Variants in HMCN2 observed in about 807,000 individuals in gnomAD.
The protein encoded by HMCN2 is hemicentin 2.
In HMCN2, 325 loss-of-function variants were observed where a neutral mutation model predicts 377.5. The observed-to-expected ratio is 0.86, with a 90% CI of 0.79 to 0.94. The LOEUF is 0.94. HMCN2 is among the 40% of genes least tolerant of loss of function. The pLI, the probability that HMCN2 is intolerant of heterozygous loss-of-function variation, is 0.00. For missense variants in HMCN2, 4,543 were observed against 4,725.3 expected (o/e 0.96, Z 1.13); for synonymous variants, 2,007 against 2,046.8 (o/e 0.98, Z 0.53).
rs4579578 is a variant in HMCN2 at position 130,365,940 on chromosome 9, G to T, written c.6570G>T (p.Arg2190Ser). 0.45 allele frequency: 442,282 copies of T among 985,484 alleles called. 100,401 individuals are homozygous for T. The highest frequency in any genetic ancestry group is 0.57 in the East Asian group (4,958 of 8,768). 61.0% of individuals were successfully genotyped at this position (985,484 alleles called of 1,614,324 possible). Residue 2190 changes from arginine to serine, a missense_variant, in exon 43 of 98, where the codon AGG becomes AGT. Arg to Ser is a moderately radical substitution (Grantham distance 110). Around this residue, in one of 5 missense-constraint regions of HMCN2, gnomAD observed 1,032 missense variants for 1,285.1 expected, o/e 0.80. Transcript: ENST00000683500. ...CTGTGAGAGAGGGGCACCCTACCAG[G>T]CTGTCCTGCGAATGCCGGGGTGTCC... Reference protein sequence around the residue: ...TLTVREGHPTRLSCECRGVPF... With the variant: ...TLTVREGHPTSLSCECRGVPF...
chr9:130,410,771 A>C, intron 85 of HMCN2, 119 bp downstream of exon 85: 2 of 800,956 alleles, frequency 2.5e-6, no homozygotes. Context: ...ATTAATACTT[A>C]CTTGGAACAC....
Position 130,302,470 on chromosome 9 carries a change from G to A in HMCN2, c.1277-387G>A, listed in dbSNP as rs60314532. 8.6e-3 allele frequency among the ~76,000 whole-genome samples: 1,315 copies of A among 152,320 alleles called. 19 individuals carry two copies. Among genetic ancestry groups the A allele is most frequent in the African/African-American group, 0.03 (1,241 of 41,542 alleles). ...CTGGGGAGCCTAATCCTAGTTGGTAGCATTTCATCAGATTTCATACAGTTG... is the reference window on the plus strand; with the variant it reads ...CTGGGGAGCCTAATCCTAGTTGGTAACATTTCATCAGATTTCATACAGTTG... On this transcript the variant is annotated intron_variant, in intron 8 of 97. Transcript: ENST00000683500.
rs553218273 is a variant in HMCN2, at chr9:130,424,790, G to A, written c.13396G>A (p.Val4466Met). Reference protein sequence around the residue: ...VPANVGPLMRVLVVTIAPIYW... With the variant: ...VPANVGPLMRMLVVTIAPIYW... Reference sequence around the variant, plus strand: ...GCCCCACCCAGGGCCTCTGATGCGGGTGCTCGTGGTCACCATCGCCCCCAT... The same window carrying A: ...GCCCCACCCAGGGCCTCTGATGCGGATGCTCGTGGTCACCATCGCCCCCAT... Residue 4466 changes from valine to methionine, a missense_variant, in exon 88 of 98, where the codon GTG becomes ATG. Around this residue, in one of 5 missense-constraint regions of HMCN2, gnomAD observed 1,155 missense variants for 1,157.7 expected, o/e 1.00. Coordinates refer to ENST00000683500, the MANE Select transcript of HMCN2 (RefSeq NM_001291815.2). The A allele has an allele frequency of 5.2e-6, 8 of 1,539,760 alleles. No individual in the cohort carries two copies. The African/African-American group carries it at 8.2e-5, about 16-fold the overall frequency.
At position 130,292,139 on chromosome 9, in the gene HMCN2, G is replaced by A. The variant is rs181985759; in HGVS notation, c.613-2716G>A. On this transcript the variant is annotated intron_variant, in intron 4 of 97. Transcript: ENST00000683500. ...CTAGTTGGTGCTGAGTGTGTCTTCTGTTGTATCACACCGGGAGGCAAATAG... is the reference window on the plus strand; with the variant it reads ...CTAGTTGGTGCTGAGTGTGTCTTCTATTGTATCACACCGGGAGGCAAATAG... Among the ~76,000 whole-genome samples the A allele has an allele frequency of 6.4e-4, 97 of 151,818 alleles. 2 individuals are homozygous for A. Among genetic ancestry groups the A allele is most frequent in the Admixed American group, 6.4e-3 (97 of 15,224 alleles).
intron 95 of HMCN2, 181 bp downstream of exon 95, chr9:130,430,785 A>G (rs773937179): frequency 6.5e-5 from 40 of 615,452 alleles, no homozygotes; most frequent in Non-Finnish European, 9.3e-5. Flanking sequence ...TGGCTGTGCT[A>G]TTGGGCAGGG....
chr9:130,384,619 G>A (rs558069188), intron 58 of HMCN2, 66 bp from the exon 59 acceptor site: 20 of 1,300,444 alleles, frequency 1.5e-5, no homozygotes, highest in Middle Eastern at 2.1e-4. Context: ...GCCGTCAGTC[G>A]TGCAGGGATT....
chr9:130,407,746 C>T (rs771495490), intron 83 of HMCN2, 41 bp downstream of exon 83: 1 of 1,173,920 alleles, frequency 8.5e-7, no homozygotes, highest in South Asian at 1.6e-5. Context: ...TCAAGACCTC[C>T]AGTCTATTGG....
chr9:130,348,617 A>G lies in HMCN2; in HGVS notation c.4097A>G (p.Glu1366Gly), dbSNP rs998004992. The G allele has an allele frequency of 3.2e-5, 41 of 1,296,466 alleles. No individual in the cohort carries two copies. In the African/African-American group the frequency reaches 5.6e-4, roughly 18 times the overall value. 80.3% of individuals were successfully genotyped at this position (1,296,466 alleles called of 1,614,324 possible). The change falls in exon 27 of 98, where the codon GAG (glutamate) becomes GGG (glycine). Residue 1366 changes from glutamate (E) to glycine (G), a missense_variant. Glu to Gly is a moderately conservative substitution (Grantham distance 98). Transcript: ENST00000683500. ...ATGGCCGGGCAGTCCCTGACGCTGG[A>G]GTGTGACGCGAACGGCTTTCCAGTC... ...SGMAGQSLTLECDANGFPVPE... is the reference protein window; with the variant it reads ...SGMAGQSLTLGCDANGFPVPE...
At chr9:130,403,404 T>C in intron 79 of HMCN2, 76 bp downstream of exon 79, 1 of 1,264,824 alleles carries the variant, frequency 7.9e-7, no homozygotes, top group Non-Finnish European at 1.0e-6. Flanking sequence ...TCCTGCTTCC[T>C]GCCCTGGGAG....
At chr9:130,432,763 G>A (rs1844839382) in intron 97 of HMCN2, 1 of 598,102 alleles carries the variant, frequency 1.7e-6, no homozygotes, top group Non-Finnish European at 3.0e-6. Context: ...GGACCACCAT[G>A]CAGACTCACA....
intron 93 of HMCN2, 49 bp from the exon 94 acceptor site, chr9:130,429,508 G>A: frequency 1.3e-6 from 2 of 1,548,056 alleles, no homozygotes; most frequent in Non-Finnish European, 1.7e-6. Context: ...CTTGGGGGAG[G>A]GGCCCTGGGC....
At chr9:130,373,323 C>T (rs1841145802) in intron 48 of HMCN2, among the ~76,000 whole-genome samples, 199 bp downstream of exon 48, 1 of 152,212 alleles carries the variant, frequency 6.6e-6, no homozygotes. Context: ...CCTCTCCCCA[C>T]CTCACTACAG....
intron 14 of HMCN2, 58 bp downstream of exon 14, chr9:130,307,624 G>A (rs1212197602): frequency 2.1e-6 from 1 of 469,890 alleles, no homozygotes; most frequent in Non-Finnish European, 4.4e-6. Flanking sequence ...AGGTGTTGAG[G>A]GGAGGTGGGG....
intron 1 of HMCN2, among the ~76,000 whole-genome samples, chr9:130,273,334 T>C (rs937386901): frequency 3.9e-5 from 6 of 152,182 alleles, no homozygotes; most frequent in Middle Eastern, 6.3e-3. Flanking sequence ...TTTTTGTTAA[T>C]GTCTTCAGTT....
chr9:130,406,087 G>T lies in HMCN2; in HGVS notation c.12472G>T (p.Asp4158Tyr). 7.8e-7 allele frequency: 1 copy of T among 1,289,858 alleles called. No individual in the cohort carries two copies. Among genetic ancestry groups the T allele is most frequent in the Non-Finnish European group, 1.0e-6 (1 of 988,876 alleles). 79.9% of individuals were successfully genotyped at this position (1,289,858 alleles called of 1,614,324 possible). The part of the protein sequence containing the change: ...LPGDRSLRLG[D>Y]RLWLRCAARG... ...TGGGGACCGCAGCCTGCGCCTTGGG[G>T]ACAGGCTGTGGCTTCGCTGTGCAGC... Residue 4158 changes from aspartate to tyrosine, a missense_variant, in exon 82 of 98, where the codon GAC becomes TAC. Transcript: ENST00000683500.
chr9:130,395,043 T>C lies in HMCN2; in HGVS notation c.10709T>C (p.Leu3570Pro), dbSNP rs1324089056. The C allele has an allele frequency of 7.8e-7, 1 of 1,287,478 alleles. No individual in the cohort carries two copies. 79.8% of individuals were successfully genotyped at this position (1,287,478 alleles called of 1,614,324 possible). A position where few individuals can be genotyped will look rare whatever the true frequency, so the allele number is the denominator to read the frequency against. ...VENVQVRDAG[L>P]YTCLAESPAG... Reference sequence around the variant, plus strand: ...CATCCCCAGGTTAGGGATGCTGGGCTGTACACTTGTCTGGCTGAAAGCCCT... The same window carrying C: ...CATCCCCAGGTTAGGGATGCTGGGCCGTACACTTGTCTGGCTGAAAGCCCT... Residue 3570 changes from leucine to proline, a missense_variant, in exon 70 of 98, where the codon CTG becomes CCG. Transcript: ENST00000683500.
chr9:130,275,015 G>A (rs781811689), intron 1 of HMCN2, among the ~76,000 whole-genome samples: 3 of 152,302 alleles, frequency 2.0e-5, no homozygotes, highest in Non-Finnish European at 2.9e-5. Context: ...TTTCCATTTG[G>A]AAAGACACCA....
intron 29 of HMCN2, among the ~76,000 whole-genome samples, chr9:130,350,361 T>A (rs746262227): frequency 7.5e-5 from 10 of 133,412 alleles, no homozygotes; most frequent in Non-Finnish European, 1.4e-4. Flanking sequence ...AGCGAGACCC[T>A]GTCTCTGCTA....
intron 58 of HMCN2, 72 bp downstream of exon 58, chr9:130,384,606 AG>A (rs1841914989): frequency 1.5e-6 from 2 of 1,301,008 alleles, no homozygotes; most frequent in Admixed American, 4.6e-5. Context: ...GACCTGGGAC[AG>A]GGCCGTCAGT....
Sources: gnomAD v4.1 joint callset for allele counts (sites outside exome capture counted in the v4.1 genomes callset) on GRCh38, gnomAD v4.1.1 for gene constraint, gnomAD v4.1.1 regional missense constraint, MANE v1.5 for transcripts, NCBI Gene and HGNC (gene_info 2026-07-23, HGNC 2026-07-21) for gene names.